Variants in PLPP1 observed in about 807,000 individuals in gnomAD.
PLPP1 encodes phospholipid phosphatase 1.
A neutral mutation model predicts 31.2 loss-of-function variants in PLPP1; 24 were observed. The observed-to-expected ratio is 0.77, with a 90% confidence interval of 0.56 to 1.08. PLPP1 has a LOEUF of 1.08. PLPP1 is among the 50% of genes least tolerant of loss of function. The probability of loss-of-function intolerance (pLI) is 0.00; values close to 1 mark genes in which losing one functional copy is unlikely to be tolerated. For missense variants in PLPP1, 319 were observed against 342.7 expected, an observed-to-expected ratio of 0.93 and a Z score of 0.55; for synonymous variants, 146 against 126.3, an observed-to-expected ratio of 1.16 and a Z score of -1.05.
intron 4 of PLPP1, among the ~76,000 whole-genome samples, chr5:55,429,484 G>A (rs1418230537): frequency 1.3e-5 from 2 of 152,124 alleles, no homozygotes; most frequent in Non-Finnish European, 2.9e-5. Context: ...ACCCCCAACA[G>A]TCAGCATCCG....
At chr5:55,455,422 T>C (rs1325080831) in intron 3 of PLPP1, among the ~76,000 whole-genome samples, 1 of 151,828 alleles carries the variant, frequency 6.6e-6, no homozygotes, top group Admixed American at 6.6e-5. Flanking sequence ...TGAAACCCTG[T>C]CTCTACAAAA....
rs558878657 is a variant in PLPP1, at chr5:55,425,789, G to T, written c.726+74C>A. 3,122 of 1,211,152 alleles carry T rather than the reference G, an allele frequency of 2.6e-3. 7 individuals carry two copies. The highest frequency in any genetic ancestry group is 2.8e-3 in the Non-Finnish European group (2,616 of 925,246). 75.0% of individuals were successfully genotyped at this position (1,211,152 alleles called of 1,614,324 possible). On this transcript the variant is annotated intron_variant, in intron 5 of 5. Transcript: ENST00000307259. ...TCTTCTCCTCAGCTGGGGATTTTTT[G>T]GATTTTTTTTTTCTATTTACTTATA...
At chr5:55,444,743 TTGTGTGTGTGTG>T (rs1554037412) in intron 3 of PLPP1, among the ~76,000 whole-genome samples, 8 of 137,268 alleles carry the variant, frequency 5.8e-5, no homozygotes, top group African/African-American at 2.2e-4. Context: ...GGATTCTATT[TTGTGTGTGTGTG>T]TGTGTGTGTG....
intron 1 of PLPP1, among the ~76,000 whole-genome samples, chr5:55,509,674 T>C (rs925594501): frequency 6.6e-5 from 10 of 152,338 alleles, no homozygotes; most frequent in African/African-American, 2.4e-4. Context: ...ATATATTTAA[T>C]GAGCTTTTAA....
intron 1 of PLPP1, among the ~76,000 whole-genome samples, chr5:55,494,395 A>G (rs1474150122): frequency 6.6e-6 from 1 of 152,156 alleles, no homozygotes; most frequent in African/African-American, 2.4e-5. Flanking sequence ...TGGACATATG[A>G]AGAACGAAAG....
rs1376453525 is a variant in PLPP1, at chr5:55,426,055, A to G, written c.550-16T>C. On this transcript the variant is annotated splice_polypyrimidine_tract_variant and intron_variant, in intron 4 of 5. Transcript: ENST00000307259. The stretch of plus-strand genomic sequence containing the variant: ...GAAGATAAAGCTAAAAGAAAAGAAT[A>G]AAGAAAAAAATAGTTTATTTAACAT... The G allele has an allele frequency of 6.4e-7, 1 of 1,562,306 alleles. No homozygotes were observed. Among genetic ancestry groups the G allele is most frequent in the African/African-American group, 1.4e-5 (1 of 72,314 alleles).
At chr5:55,514,716 A>C (rs143876456) in intron 1 of PLPP1, among the ~76,000 whole-genome samples, 1 of 152,388 alleles carries the variant, frequency 6.6e-6, no homozygotes, top group African/African-American at 2.4e-5. Context: ...TACATGCCAA[A>C]AACGACTGGC....
chr5:55,477,471 G>A (rs1186848674), intron 1 of PLPP1, among the ~76,000 whole-genome samples: 1 of 141,820 alleles, frequency 7.1e-6, no homozygotes, highest in African/African-American at 2.6e-5. Flanking sequence ...TCGGCTCACT[G>A]CACACTCCAC....
chr5:55,472,537 T>C (rs1752436763), intron 2 of PLPP1, among the ~76,000 whole-genome samples: 1 of 151,562 alleles, frequency 6.6e-6, no homozygotes, highest in South Asian at 2.1e-4. Flanking sequence ...GAGTCGGAGT[T>C]TGCAGTGAGC....
At chr5:55,532,177 C>T (rs930006867) in intron 1 of PLPP1, among the ~76,000 whole-genome samples, 1 of 151,902 alleles carries the variant, frequency 6.6e-6, no homozygotes, top group Non-Finnish European at 1.5e-5. Flanking sequence ...CTACAACAAC[C>T]CATAATTTAT....
At chr5:55,487,438 C>CAA (rs10622738) in intron 1 of PLPP1, among the ~76,000 whole-genome samples, 114,430 of 147,884 alleles carry the variant, frequency 0.77, 44,404 homozygotes, top group South Asian at 0.83. Context: ...AACCCAAAAA[C>CAA]AAAAAAAAAA....
chr5:55,532,823 G>A (rs762914505), intron 1 of PLPP1, among the ~76,000 whole-genome samples: 1 of 152,134 alleles, frequency 6.6e-6, no homozygotes, highest in African/African-American at 2.4e-5. Flanking sequence ...CGGGCATGGT[G>A]GTATGTGCTT....
chr5:55,476,431 T>A (rs1752553116), intron 1 of PLPP1, among the ~76,000 whole-genome samples: 1 of 152,144 alleles, frequency 6.6e-6, no homozygotes, highest in African/African-American at 2.4e-5. Flanking sequence ...TATACTCACC[T>A]CCTAAAACGC....
intron 1 of PLPP1, chr5:55,490,950 AT>A (rs771015425): frequency 1.2e-6 from 2 of 1,603,804 alleles, no homozygotes; most frequent in Admixed American, 1.7e-5. Context: ...CTACTTATTA[AT>A]TTACTTACAG....
intron 1 of PLPP1, among the ~76,000 whole-genome samples, chr5:55,503,290 GT>G (rs1753185400): frequency 6.6e-6 from 1 of 152,144 alleles, no homozygotes; most frequent in Non-Finnish European, 1.5e-5. Context: ...ATGTTCAGTA[GT>G]TTTAAGTTGC....
chr5:55,464,637 G>A (rs929987241), intron 3 of PLPP1, among the ~76,000 whole-genome samples: 1 of 152,100 alleles, frequency 6.6e-6, no homozygotes, highest in Admixed American at 6.5e-5. Context: ...CCATACAATC[G>A]AATATACCTC....
rs190348135 is a variant in PLPP1 at position 55,442,040 on chromosome 5, C to T, written c.492-132G>A. 4.8e-4 allele frequency: 379 copies of T among 797,346 alleles called. 2 individuals are homozygous for T. The East Asian group carries it at 8.2e-3, about 17-fold the overall frequency. 49.4% of individuals were successfully genotyped at this position (797,346 alleles called of 1,614,324 possible). Reference sequence around the variant, plus strand: ...TCTACTTTGAGAAATTAGAAGGGTACGGCAGGGGGACAATTAGGACATGAA... The same window carrying T: ...TCTACTTTGAGAAATTAGAAGGGTATGGCAGGGGGACAATTAGGACATGAA... On this transcript the variant is annotated intron_variant, in intron 3 of 5. Coordinates refer to ENST00000307259, the MANE Select transcript of PLPP1 (RefSeq NM_003711.4).
rs1220695186 is a variant in PLPP1 at position 55,534,596 on chromosome 5, G to A, written c.34C>T (p.Leu12Phe). 2 of 1,558,690 alleles carry A rather than the reference G, an allele frequency of 1.3e-6. No homozygotes were observed. The highest frequency in any genetic ancestry group is 2.4e-5 in the South Asian group (2 of 84,060). The change falls in exon 1 of 6, where the codon CTC becomes TTC. Residue 12 changes from leucine to phenylalanine, a missense_variant. By Grantham distance (22) the Leu-to-Phe change is conservative (BLOSUM62 0). Coordinates refer to ENST00000307259, the MANE Select transcript of PLPP1 (RefSeq NM_003711.4). Reference sequence around the variant, plus strand: ...CCCAGCAACACGCAGAGCACATCGAGGGCCACGTACGGCAGCCGCGTCTTG... The same window carrying A: ...CCCAGCAACACGCAGAGCACATCGAAGGCCACGTACGGCAGCCGCGTCTTG... ...FDKTRLPYVA[L>F]DVLCVLLAGL...
chr5:55,439,661 A>G (rs975016606), intron 4 of PLPP1, among the ~76,000 whole-genome samples: 4 of 152,166 alleles, frequency 2.6e-5, no homozygotes, highest in African/African-American at 9.7e-5. Context: ...GAGGCCCTCT[A>G]TTATATCAAT....
Sources: gnomAD v4.1 joint callset for allele counts (sites outside exome capture counted in the v4.1 genomes callset) on GRCh38, gnomAD v4.1.1 for gene constraint, MANE v1.5 for transcripts, NCBI Gene and HGNC (gene_info 2026-07-23, HGNC 2026-07-21) for gene names.